Variants in RXRA observed in about 807,000 individuals in gnomAD.
RXRA encodes the protein retinoic acid receptor RXR-alpha.
Under a neutral mutation model 44.5 loss-of-function variants are expected in RXRA, and 5 were observed. That is an observed-to-expected ratio of 0.11 (90% CI 0.06 to 0.24). RXRA has a LOEUF of 0.24. Ranked by LOEUF, RXRA falls within the 10% of genes least tolerant of loss-of-function variation. RXRA has a pLI of 1.00. For synonymous variants in RXRA, 291 were observed against 271.4 expected, an observed-to-expected ratio of 1.07 and a Z score of -0.71; for missense variants, 412 against 646.5, an observed-to-expected ratio of 0.64 and a Z score of 3.93.
intron 5 of RXRA, among the ~76,000 whole-genome samples, chr9:134,419,334 C>T (rs1588301106): frequency 6.6e-6 from 1 of 152,236 alleles, no homozygotes; most frequent in Non-Finnish European, 1.5e-5. Context: ...CTGCCATCTG[C>T]TGTCTCCGCC....
intron 4 of RXRA, among the ~76,000 whole-genome samples, chr9:134,415,293 C>G (rs1564291615): frequency 6.6e-6 from 1 of 152,078 alleles, no homozygotes; most frequent in East Asian, 1.9e-4. Flanking sequence ...GACTGGGGAC[C>G]CTGGGCCCGG....
At chr9:134,331,455 G>A (rs1210529706) in intron 1 of RXRA, among the ~76,000 whole-genome samples, 1 of 152,194 alleles carries the variant, frequency 6.6e-6, no homozygotes, top group Non-Finnish European at 1.5e-5. Context: ...AGAGTCACAG[G>A]CTCTCACCTG....
At chr9:134,430,656 C>G (rs1024088702) in intron 7 of RXRA, among the ~76,000 whole-genome samples, 1 of 152,170 alleles carries the variant, frequency 6.6e-6, no homozygotes, top group African/African-American at 2.4e-5. Flanking sequence ...ACGGGGGCTG[C>G]AGGGTGCAGT....
At position 134,440,164 on chromosome 9, in the gene RXRA, G is replaced by C. The variant is rs868732968; in HGVS notation, c.*3550G>C. The C allele has an allele frequency of 6.6e-6, 1 of 152,092 alleles. No homozygotes were observed. Among genetic ancestry groups the C allele is most frequent in the Non-Finnish European group, 1.5e-5 (1 of 68,006 alleles). The allele number at this position is 152,092 out of a possible 1,614,324, so 9.4% of individuals were successfully genotyped here. A position where few individuals can be genotyped will look rare whatever the true frequency, so the allele number is the denominator to read the frequency against. On this transcript the variant is annotated 3_prime_UTR_variant, in exon 10 of 10. Coordinates refer to ENST00000481739, the MANE Select transcript of RXRA (RefSeq NM_002957.6). ...TATACTTGGATATGGCGGGGGGAGG[G>C]CTGGGACTGTTTCGTTTCTGCTTCT...
chr9:134,346,441 C>T (rs1367349572), intron 1 of RXRA, among the ~76,000 whole-genome samples: 2 of 152,210 alleles, frequency 1.3e-5, no homozygotes, highest in African/African-American at 2.4e-5. Flanking sequence ...CGTGGCCTCA[C>T]CCCCACTGGT....
chr9:134,334,717 G>T (rs1011685922), intron 1 of RXRA, among the ~76,000 whole-genome samples: 1 of 152,218 alleles, frequency 6.6e-6, no homozygotes, highest in African/African-American at 2.4e-5. Context: ...GTTCTGATAT[G>T]CTGTTGGCCA....
At chr9:134,379,979 G>T (rs1830617659) in intron 1 of RXRA, 1 of 985,210 alleles carries the variant, frequency 1.0e-6, no homozygotes, top group South Asian at 4.7e-5. Flanking sequence ...AGGCCTCGGG[G>T]CTGTCGGAGC....
chr9:134,400,410 T>G (rs943717466), intron 1 of RXRA, among the ~76,000 whole-genome samples: 3 of 152,200 alleles, frequency 2.0e-5, no homozygotes, highest in Non-Finnish European at 4.4e-5. Flanking sequence ...CAGAAGTGCC[T>G]GTGATTGCCA....
chr9:134,343,626 G>T lies in RXRA; in HGVS notation c.28+16967G>T, dbSNP rs1830114009. On this transcript the variant is annotated intron_variant, in intron 1 of 9. Coordinates refer to ENST00000481739, the MANE Select transcript of RXRA (RefSeq NM_002957.6). This position sits in a 1 kb window ranked among gnomAD's most constrained non-coding sequence, Gnocchi z 4.1. ...CTGGGTGCAACCTTGACATAGGCTTGAGGGGTCACGTCCCCTGCCCTGTCC... is the reference window on the plus strand; with the variant it reads ...CTGGGTGCAACCTTGACATAGGCTTTAGGGGTCACGTCCCCTGCCCTGTCC... Among the ~76,000 whole-genome samples, 1 of 152,118 alleles carries T rather than the reference G, an allele frequency of 6.6e-6. No individual in the cohort carries two copies. Among genetic ancestry groups the T allele is most frequent in the African/African-American group, 2.4e-5 (1 of 41,404 alleles).
intron 1 of RXRA, among the ~76,000 whole-genome samples, chr9:134,397,098 C>T (rs1375477429): frequency 6.6e-6 from 1 of 152,326 alleles, no homozygotes; most frequent in South Asian, 2.1e-4. Flanking sequence ...GTCCAGGGAG[C>T]AGAAGCATCC....
intron 1 of RXRA, among the ~76,000 whole-genome samples, chr9:134,329,367 G>T (rs1421697805): frequency 6.6e-6 from 1 of 152,370 alleles, no homozygotes; most frequent in East Asian, 1.9e-4. Flanking sequence ...GGCGCTGCCC[G>T]ACGGCAGGGT....
intron 1 of RXRA, among the ~76,000 whole-genome samples, chr9:134,392,843 C>T (rs1048447450): frequency 1.5e-4 from 23 of 152,018 alleles, no homozygotes. Context: ...TTGTGCCAGT[C>T]GTGGGAGTGG....
chr9:134,430,849 C>T (rs1050520671), intron 7 of RXRA, among the ~76,000 whole-genome samples: 4 of 152,236 alleles, frequency 2.6e-5, no homozygotes, highest in Admixed American at 6.5e-5. Context: ...ACAGAGGCCC[C>T]GGCATTTCCT....
At chr9:134,406,909 G>C (rs1462952191) in intron 2 of RXRA, among the ~76,000 whole-genome samples, 1 of 152,222 alleles carries the variant, frequency 6.6e-6, no homozygotes, top group Non-Finnish European at 1.5e-5. Context: ...TCTGAGAAGC[G>C]CACCTGCTGC....
chr9:134,400,397 C>T (rs1235721892), intron 1 of RXRA, among the ~76,000 whole-genome samples: 1 of 152,208 alleles, frequency 6.6e-6, no homozygotes, highest in Non-Finnish European at 1.5e-5. Context: ...CTGCTCGACT[C>T]CCCAGAAGTG....
intron 6 of RXRA, chr9:134,423,163 G>A (rs1831376587): frequency 1.7e-5 from 17 of 985,314 alleles, no homozygotes; most frequent in Admixed American, 1.2e-4. Flanking sequence ...GGTTCTTGCC[G>A]AGTCAGCCGG....
chr9:134,388,298 T>TGTGAGTGC (rs1830751518), intron 1 of RXRA, among the ~76,000 whole-genome samples: 1 of 151,866 alleles, frequency 6.6e-6, no homozygotes, highest in Non-Finnish European at 1.5e-5. Flanking sequence ...TGTGTGAGTG[T>TGTGAGTGC]GTATGTGCAT....
At chr9:134,392,408 G>A (rs1564282723) in intron 1 of RXRA, among the ~76,000 whole-genome samples, 1 of 152,182 alleles carries the variant, frequency 6.6e-6, no homozygotes. Flanking sequence ...AGGACTCTCC[G>A]GGGCCCCTTG....
At position 134,339,412 on chromosome 9, in the gene RXRA, G is replaced by C. The variant is rs536966299; in HGVS notation, c.28+12753G>C. ...TGTCTGCGTGTGAGCCCGTGAGCCT[G>C]TGTGTGAGAGTGTGTGGGTGCCATG... On this transcript the variant is annotated intron_variant, in intron 1 of 9. Transcript: ENST00000481739. Among the ~76,000 whole-genome samples, 11 of 152,276 alleles carry C rather than the reference G, an allele frequency of 7.2e-5. No homozygotes were observed. In the East Asian group the frequency reaches 1.9e-3, roughly 27 times the overall value.
Sources: allele counts gnomAD v4.1 joint callset (sites outside exome capture counted in the v4.1 genomes callset), GRCh38; gene constraint gnomAD v4.1.1; non-coding constraint Gnocchi (gnomAD v3.1); transcripts MANE v1.5; gene names NCBI Gene and HGNC (gene_info 2026-07-23, HGNC 2026-07-21).